SEL1L2: variants seen among roughly 807,000 people sequenced by gnomAD.
SEL1L2 encodes SEL1L2 adaptor subunit of SYVN1 ubiquitin ligase, also known as protein sel-1 homolog 2.
A neutral mutation model predicts 98.8 loss-of-function variants in SEL1L2; 89 were observed. The observed-to-expected ratio is 0.90, with a 90% CI of 0.76 to 1.07. SEL1L2 has a LOEUF of 1.07. Among genes scored for constraint, SEL1L2 ranks in the 50% least tolerant of loss-of-function variants. The pLI is 0.00. For missense variants in SEL1L2, 788 were observed against 812.0 expected (o/e 0.97, Z 0.36); for synonymous variants, 262 against 278.5 (o/e 0.94, Z 0.59).
Position 13,919,111 on chromosome 20 carries a change from G to T in SEL1L2, c.296C>A (p.Ala99Glu), listed in dbSNP as rs780425094. ...TCCTTCATCTGTAAAATTTTTCTCT[G>T]CTTGCTTTTGTACTATACATGAACA... The part of the protein sequence containing the change: ...KRNKNHLQKQ[A>E]EKNFTDEGDQ... The change falls in exon 4 of 20, where the codon GCA becomes GAA. Residue 99 changes from alanine (A) to glutamate (E), a missense_variant. Coordinates refer to ENST00000284951, the MANE Select transcript of SEL1L2 (RefSeq NM_025229.2). 1 of 1,607,082 alleles carries T rather than the reference G, an allele frequency of 6.2e-7. No individual in the cohort carries two copies. The highest frequency in any genetic ancestry group is 1.7e-5 in the Admixed American group (1 of 59,846).
chr20:13,861,974 T>C (rs899916443), intron 17 of SEL1L2, among the ~76,000 whole-genome samples: 15 of 152,170 alleles, frequency 9.9e-5, no homozygotes, highest in African/African-American at 3.6e-4. Flanking sequence ...CTACCTCATC[T>C]CCATGTTTTA....
At chr20:13,855,403 G>A (rs759783466) in intron 18 of SEL1L2, among the ~76,000 whole-genome samples, 6 of 151,980 alleles carry the variant, frequency 3.9e-5, no homozygotes, top group African/African-American at 4.8e-5. Context: ...ATTTTTTGGC[G>A]GTTTTATTTG....
chr20:13,942,668 A>G (rs2049833383), intron 2 of SEL1L2, among the ~76,000 whole-genome samples: 1 of 152,244 alleles, frequency 6.6e-6, no homozygotes, highest in African/African-American at 2.4e-5. Context: ...CAGTGAAGAT[A>G]TGTGTACATA....
intron 1 of SEL1L2, among the ~76,000 whole-genome samples, chr20:13,972,624 C>T (rs932804995): frequency 4.8e-5 from 7 of 146,392 alleles, no homozygotes; most frequent in African/African-American, 1.2e-4. Flanking sequence ...GAAAATGTCT[C>T]ATGTTTGAAA....
chr20:13,948,816 A>C (rs938214580), intron 2 of SEL1L2, among the ~76,000 whole-genome samples: 6 of 152,242 alleles, frequency 3.9e-5, no homozygotes, highest in African/African-American at 1.4e-4. Flanking sequence ...GCCAAGGAAG[A>C]AGGCTTTAAT....
At chr20:13,986,759 TG>T (rs1283147764) in intron 1 of SEL1L2, among the ~76,000 whole-genome samples, 1 of 152,244 alleles carries the variant, frequency 6.6e-6, no homozygotes, top group Non-Finnish European at 1.5e-5. Context: ...TCATTTCTCT[TG>T]GTTATATACC....
At chr20:13,907,409 C>A (rs1174228150) in intron 5 of SEL1L2, among the ~76,000 whole-genome samples, 1 of 151,744 alleles carries the variant, frequency 6.6e-6, no homozygotes, top group Non-Finnish European at 1.5e-5. Context: ...AAAAAAAAAA[C>A]TAAAACAATA....
intron 1 of SEL1L2, among the ~76,000 whole-genome samples, chr20:13,975,709 A>G (rs2051500543): frequency 6.6e-6 from 1 of 152,226 alleles, no homozygotes; most frequent in Admixed American, 6.5e-5. Flanking sequence ...GGAGATCTAA[A>G]AGGCAAGTAC....
intron 18 of SEL1L2, among the ~76,000 whole-genome samples, chr20:13,853,191 C>T (rs977563102): frequency 4.6e-5 from 7 of 151,762 alleles, no homozygotes; most frequent in East Asian, 1.9e-4. Flanking sequence ...TAATATATTC[C>T]GCTAGCCTAT....
intron 14 of SEL1L2, among the ~76,000 whole-genome samples, chr20:13,867,955 G>A (rs912303394): frequency 1.3e-5 from 2 of 152,006 alleles, no homozygotes; most frequent in Non-Finnish European, 2.9e-5. Flanking sequence ...GATGTGGTCT[G>A]CTGCTGCCCT....
chr20:13,901,026 G>A (rs1199941216), intron 5 of SEL1L2, among the ~76,000 whole-genome samples: 1 of 149,818 alleles, frequency 6.7e-6, no homozygotes, highest in East Asian at 2.0e-4. Flanking sequence ...CCTTTATTTT[G>A]CTAGAGTTAA....
At chr20:13,938,572 A>G (rs2148356665) in intron 2 of SEL1L2, among the ~76,000 whole-genome samples, 1 of 152,324 alleles carries the variant, frequency 6.6e-6, no homozygotes, top group Non-Finnish European at 1.5e-5. Context: ...ATTCACAATC[A>G]TCCATTCCAA....
chr20:13,907,804 G>A (rs184215831), intron 5 of SEL1L2, among the ~76,000 whole-genome samples: 4 of 142,074 alleles, frequency 2.8e-5, no homozygotes, highest in Non-Finnish European at 6.0e-5. Context: ...GTCTGGTTCT[G>A]TTGCCCAGGC....
chr20:13,929,970 T>G (rs2049070215), intron 3 of SEL1L2, among the ~76,000 whole-genome samples: 1 of 152,178 alleles, frequency 6.6e-6, no homozygotes, highest in Admixed American at 6.5e-5. Flanking sequence ...TTTGTAATTT[T>G]GGTAGAGACA....
intron 1 of SEL1L2, among the ~76,000 whole-genome samples, chr20:13,958,683 T>TC (rs1307280069): frequency 1.3e-5 from 2 of 151,766 alleles, no homozygotes; most frequent in Non-Finnish European, 2.9e-5. Context: ...ACGCCTGTAA[T>TC]CCCAGCACTT....
Position 13,964,483 on chromosome 20 carries a change from G to A in SEL1L2, c.59-8352C>T, listed in dbSNP as rs191508905. 1.3e-4 allele frequency among the ~76,000 whole-genome samples: 16 copies of A among 121,256 alleles called. No individual in the cohort carries two copies. In the East Asian group the frequency reaches 3.4e-3, roughly 26 times the overall value. The allele number at this position is 121,256 out of a possible 152,430, so 79.5% of individuals were successfully genotyped here. On this transcript the variant is annotated intron_variant, in intron 1 of 19. Transcript: ENST00000284951. ...TTTTTTTTTTCTGAGACAGAGTTTCGCTCTTGTTGCCCAGGCTGGAGTGCA... is the reference window on the plus strand; with the variant it reads ...TTTTTTTTTTCTGAGACAGAGTTTCACTCTTGTTGCCCAGGCTGGAGTGCA...
intron 1 of SEL1L2, among the ~76,000 whole-genome samples, chr20:13,956,768 T>G (rs541878912): frequency 3.0e-4 from 45 of 152,260 alleles, no homozygotes; most frequent in African/African-American, 1.0e-3. Flanking sequence ...TGCTTGAAAT[T>G]TCTTCACTTT....
intron 2 of SEL1L2, among the ~76,000 whole-genome samples, chr20:13,938,144 G>T (rs1333802238): frequency 1.3e-5 from 2 of 150,468 alleles, no homozygotes; most frequent in Non-Finnish European, 1.5e-5. Flanking sequence ...GCAGTGGTGC[G>T]ATTTCAGCTC....
At chr20:13,935,862 G>A (rs2049428063) in intron 2 of SEL1L2, among the ~76,000 whole-genome samples, 2 of 152,160 alleles carry the variant, frequency 1.3e-5, no homozygotes, top group Admixed American at 6.5e-5. Flanking sequence ...AGAATTGATG[G>A]TGACAGTGAA....
Sources: allele counts gnomAD v4.1 joint callset (sites outside exome capture counted in the v4.1 genomes callset), GRCh38; gene constraint gnomAD v4.1.1; transcripts MANE v1.5; gene names NCBI Gene and HGNC (gene_info 2026-07-23, HGNC 2026-07-21).